PRDM11: variants seen among roughly 807,000 people sequenced by gnomAD.
The protein encoded by PRDM11 is PR domain-containing protein 11.
Under a neutral mutation model 97.8 loss-of-function variants are expected in PRDM11, and 20 were observed. The ratio of observed to expected loss-of-function variants is 0.20; its 90% CI spans 0.14 to 0.30. PRDM11 has a LOEUF of 0.30. PRDM11 is among the 10% of genes least tolerant of loss of function. The pLI, the probability that PRDM11 is intolerant of heterozygous loss-of-function variation, is 1.00. For missense variants in PRDM11, 1,139 were observed against 1,555.2 expected (o/e 0.73, Z 4.50); for synonymous variants, 599 against 637.7 (o/e 0.94, Z 0.91).
chr11:45,096,092 C>T (rs1851884402), intron 1 of PRDM11, among the ~76,000 whole-genome samples: 1 of 152,226 alleles, frequency 6.6e-6, no homozygotes, highest in South Asian at 2.1e-4. Flanking sequence ...AAGTGGAAAA[C>T]TCTTTATAGC....
intron 1 of PRDM11, among the ~76,000 whole-genome samples, chr11:45,139,857 GTCAA>G (rs1852962083): frequency 6.6e-6 from 1 of 152,170 alleles, no homozygotes; most frequent in African/African-American, 2.4e-5. Flanking sequence ...TGTCTGACGT[GTCAA>G]TCAGTGTTTT....
intron 1 of PRDM11, among the ~76,000 whole-genome samples, chr11:45,177,889 C>T (rs1326804441): frequency 6.6e-6 from 1 of 152,136 alleles, no homozygotes; most frequent in Non-Finnish European, 1.5e-5. Context: ...AACACTATCT[C>T]TGGTTGTTTC....
At chr11:45,164,182 C>T (rs1852002496) in intron 1 of PRDM11, among the ~76,000 whole-genome samples, 1 of 152,154 alleles carries the variant, frequency 6.6e-6, no homozygotes, top group Non-Finnish European at 1.5e-5. Flanking sequence ...CCCGCGGGTC[C>T]CCGGTGGAGT....
chr11:45,145,061 T>C (rs1018943715), upstream of PRDM11, among the ~76,000 whole-genome samples: 18 of 151,778 alleles, frequency 1.2e-4, no homozygotes, highest in South Asian at 4.2e-4. Flanking sequence ...TACAGTTGCA[T>C]TGAACCTCAT....
At chr11:45,146,932 C>A in intron 1 of PRDM11, 55 bp downstream of exon 1, 1 of 146,566 alleles carries the variant, frequency 6.8e-6, no homozygotes, top group South Asian at 2.0e-4. Context: ...GGAGAGCGCT[C>A]GGCAGTTTGC....
At position 45,181,773 on chromosome 11, in the gene PRDM11, G is replaced by A. The variant is rs1482312460; in HGVS notation, c.7G>A (p.Glu3Lys). 4 of 1,613,078 alleles carry A rather than the reference G, an allele frequency of 2.5e-6. No individual in the cohort carries two copies. The highest frequency in any genetic ancestry group is 1.7e-6 in the Non-Finnish European group (2 of 1,179,854). The change falls in exon 2 of 8, where the codon GAG becomes AAG. Residue 3 changes from glutamate (E) to lysine (K), a missense_variant. Transcript: ENST00000683152. ...TCCTGCGTCCCAGGACAGAATGACCGAGAACATGAAGGAGTGCTTGGCCCA... is the reference window on the plus strand; with the variant it reads ...TCCTGCGTCCCAGGACAGAATGACCAAGAACATGAAGGAGTGCTTGGCCCA... MT[E>K]NMKECLAQTN...
At chr11:45,204,540 A>G (rs1449055900) in intron 4 of PRDM11, among the ~76,000 whole-genome samples, 171 bp from the exon 5 acceptor site, 1 of 152,146 alleles carries the variant, frequency 6.6e-6, no homozygotes, top group South Asian at 2.1e-4. Context: ...GAGGGCAGGT[A>G]GCAGAGATTC....
intron 5 of PRDM11, among the ~76,000 whole-genome samples, chr11:45,215,514 C>T (rs913730918): frequency 1.3e-5 from 2 of 152,224 alleles, no homozygotes; most frequent in Non-Finnish European, 2.9e-5. Context: ...TGGCTGCTCT[C>T]TCTCTTCCTG....
At position 45,227,425 on chromosome 11, in the gene PRDM11, G is replaced by C. The variant is rs184887179; in HGVS notation, c.2800G>C (p.Glu934Gln). 1.1e-5 allele frequency: 17 copies of C among 1,533,748 alleles called. No homozygotes were observed. The East Asian group carries it at 3.7e-4, about 33-fold the overall frequency. ...DSPGEYLQEF[E>Q]ENFRESFNGI... is the part of the protein sequence containing the mutation. ...CCCGGGAGAATACCTGCAGGAGTTC[G>C]AGGAGAATTTCCGAGAGAGCTTCAA... Residue 934 changes from glutamate (E) to glutamine (Q), a missense_variant, in exon 8 of 8, where the codon GAG (glutamate) becomes CAG (glutamine). Glu to Gln is a conservative substitution (Grantham distance 29). This residue lies in a region of PRDM11 where 710 missense variants were observed against 1,044.9 expected (regional missense o/e 0.68). Transcript: ENST00000683152. This position sits in a 1 kb window ranked among gnomAD's most constrained non-coding sequence, Gnocchi z 8.0.
chr11:45,121,527 T>A (rs1852431185), intron 1 of PRDM11, among the ~76,000 whole-genome samples: 1 of 151,416 alleles, frequency 6.6e-6, no homozygotes, highest in African/African-American at 2.5e-5. Flanking sequence ...CAGAAAATGC[T>A]AAAACAAGCA....
intron 1 of PRDM11, among the ~76,000 whole-genome samples, chr11:45,136,253 T>A (rs946937496): frequency 6.6e-6 from 1 of 152,224 alleles, no homozygotes; most frequent in African/African-American, 2.4e-5. Flanking sequence ...AATGTTTCCA[T>A]TTTTATTTTA....
rs556343712 is a variant in PRDM11, at chr11:45,231,202, G to A, written c.*3043G>A. On this transcript the variant is annotated 3_prime_UTR_variant, in exon 8 of 8. Coordinates refer to ENST00000683152, the MANE Select transcript of PRDM11 (RefSeq NM_001384648.1). ...GATACACCACTGCAATTTACACGGG[G>A]TCTCTTCTCAGCTTGGATGCTCCCT... is the stretch of plus-strand genomic sequence containing the variant. 6.6e-6 allele frequency: 1 copy of A among 152,282 alleles called. No homozygotes were observed. The highest frequency in any genetic ancestry group is 2.4e-5 in the African/African-American group (1 of 41,548). The allele number at this position is 152,282 out of a possible 1,614,324, so 9.4% of individuals were successfully genotyped here. A position where few individuals can be genotyped will look rare whatever the true frequency, so the allele number is the denominator to read the frequency against.
intron 4 of PRDM11, among the ~76,000 whole-genome samples, chr11:45,187,799 C>T (rs916419163): frequency 2.0e-5 from 3 of 147,088 alleles, no homozygotes; most frequent in South Asian, 2.2e-4. Context: ...AAGAAAAGTT[C>T]GTGTGTGTGT....
intron 4 of PRDM11, among the ~76,000 whole-genome samples, chr11:45,198,216 A>G (rs1853201813): frequency 6.6e-6 from 1 of 152,130 alleles, no homozygotes; most frequent in Non-Finnish European, 1.5e-5. Flanking sequence ...CAGGTTAGAA[A>G]CCTAGAGCAT....
rs924925711 is a variant in PRDM11, at chr11:45,228,600, A to G, written c.*441A>G. 38 of 151,518 alleles carry G rather than the reference A, an allele frequency of 2.5e-4. No homozygotes were observed. The highest frequency in any genetic ancestry group is 9.0e-4 in the African/African-American group (37 of 41,170). The allele number at this position is 151,518 out of a possible 1,614,324, so 9.4% of individuals were successfully genotyped here. On this transcript the variant is annotated 3_prime_UTR_variant, in exon 8 of 8. Coordinates refer to ENST00000683152, the MANE Select transcript of PRDM11 (RefSeq NM_001384648.1). ...TTATGTTCTTGCCTTTTCTTTTTTCATTTGGTTTTATGATGGGAGGGAGCT... is the reference window on the plus strand; with the variant it reads ...TTATGTTCTTGCCTTTTCTTTTTTCGTTTGGTTTTATGATGGGAGGGAGCT...
chr11:45,171,918 A>C (rs1219068481), intron 1 of PRDM11, among the ~76,000 whole-genome samples: 3 of 152,090 alleles, frequency 2.0e-5, no homozygotes, highest in African/African-American at 7.2e-5. Flanking sequence ...AATTCAATTC[A>C]ATTCAATTCT....
At chr11:45,097,482 C>T (rs933244531) in intron 1 of PRDM11, among the ~76,000 whole-genome samples, 2 of 151,946 alleles carry the variant, frequency 1.3e-5, no homozygotes, top group Admixed American at 1.3e-4. Flanking sequence ...TTCATCCCTC[C>T]CATTTAACAG....
chr11:45,214,125 G>T (rs560891418), intron 5 of PRDM11: 38 of 199,918 alleles, frequency 1.9e-4, no homozygotes, highest in Admixed American at 1.7e-3. Flanking sequence ...AGCCCAGTGG[G>T]GCTCATGTCC....
At chr11:45,148,045 C>T (rs1013950364) in intron 1 of PRDM11, among the ~76,000 whole-genome samples, 23 of 152,006 alleles carry the variant, frequency 1.5e-4, no homozygotes, top group Middle Eastern at 3.2e-3. Flanking sequence ...GAGGAAGGTT[C>T]GGGCTTTCCT....
Sources: allele counts gnomAD v4.1 joint callset (sites outside exome capture counted in the v4.1 genomes callset), GRCh38; gene constraint gnomAD v4.1.1; regional missense constraint gnomAD v4.1.1; non-coding constraint Gnocchi (gnomAD v3.1); transcripts MANE v1.5; gene names NCBI Gene and HGNC (gene_info 2026-07-23, HGNC 2026-07-21).